Variants in AGBL4 observed in about 807,000 individuals in gnomAD.
The protein encoded by AGBL4 is cytosolic carboxypeptidase 6.
In AGBL4, 58 loss-of-function variants were observed where a neutral mutation model predicts 66.4. That is an observed-to-expected ratio of 0.87 (90% CI 0.71 to 1.09). The LOEUF (loss-of-function observed/expected upper bound fraction) is 1.09, where lower values mean the gene tolerates loss of function less well. Among genes scored for constraint, AGBL4 ranks in the 50% least tolerant of loss-of-function variants. The probability of loss-of-function intolerance (pLI) is 0.00; values close to 1 mark genes in which losing one functional copy is unlikely to be tolerated. For synonymous variants in AGBL4, 234 were observed against 222.9 expected (o/e 1.05, Z -0.44); for missense variants, 579 against 631.0 (o/e 0.92, Z 0.88).
intron 2 of AGBL4, among the ~76,000 whole-genome samples, chr1:49,748,273 G>A (rs1345477126): frequency 1.3e-5 from 2 of 151,958 alleles, no homozygotes; most frequent in Non-Finnish European, 2.9e-5. Flanking sequence ...TTGGTTTTCT[G>A]TTCCTGTGTT....
intron 2 of AGBL4, among the ~76,000 whole-genome samples, chr1:49,780,229 T>C (rs553648052): frequency 6.6e-5 from 10 of 152,280 alleles, no homozygotes; most frequent in African/African-American, 1.4e-4. Flanking sequence ...AGTATATCTA[T>C]ACTCATTTCT....
chr1:49,813,273 TAAGA>T (rs1645148094), intron 2 of AGBL4, among the ~76,000 whole-genome samples: 1 of 152,082 alleles, frequency 6.6e-6, no homozygotes, highest in African/African-American at 2.4e-5. Flanking sequence ...ATGATGATAT[TAAGA>T]AAAACATTAA....
intron 7 of AGBL4, among the ~76,000 whole-genome samples, chr1:48,654,848 T>G (rs973886): frequency 0.12 from 18,846 of 152,268 alleles, 2,326 homozygotes; most frequent in African/African-American, 0.32. Context: ...AACGCGGCAG[T>G]AGACCAGATG....
At chr1:49,189,680 A>C (rs1392282557) in intron 4 of AGBL4, among the ~76,000 whole-genome samples, 1 of 152,168 alleles carries the variant, frequency 6.6e-6, no homozygotes, top group Non-Finnish European at 1.5e-5. Flanking sequence ...GTTTGTAGTG[A>C]GGCTCAAACC....
At chr1:49,064,268 T>C (rs953851975) in intron 4 of AGBL4, among the ~76,000 whole-genome samples, 1 of 152,194 alleles carries the variant, frequency 6.6e-6, no homozygotes. Context: ...TAGCAATTTA[T>C]TTCCTATGTT....
intron 3 of AGBL4, among the ~76,000 whole-genome samples, chr1:49,612,077 T>TA (rs1645165683): frequency 6.6e-6 from 1 of 152,212 alleles, no homozygotes; most frequent in African/African-American, 2.4e-5. Context: ...TTAACAAACT[T>TA]ACTTCAATCA....
chr1:49,350,839 T>G (rs1335407539), intron 3 of AGBL4, among the ~76,000 whole-genome samples: 2 of 152,164 alleles, frequency 1.3e-5, no homozygotes, highest in Non-Finnish European at 2.9e-5. Flanking sequence ...GACAGGACTC[T>G]TCCTGCTGCT....
chr1:49,852,246 C>T lies in AGBL4; in HGVS notation c.35-728G>A, dbSNP rs539574953. Among the ~76,000 whole-genome samples the T allele has an allele frequency of 3.9e-5, 6 of 152,134 alleles. No individual in the cohort carries two copies. The South Asian group carries it at 1.2e-3, about 32-fold the overall frequency. On this transcript the variant is annotated intron_variant, in intron 1 of 13. Coordinates refer to ENST00000371839, the MANE Select transcript of AGBL4 (RefSeq NM_032785.4). ...AATATCGAAGGAAAGTCAAGCCTCACCAAAAAGAGTATGGGAAGCAAGCAG... is the reference window on the plus strand; with the variant it reads ...AATATCGAAGGAAAGTCAAGCCTCATCAAAAAGAGTATGGGAAGCAAGCAG...
At chr1:48,531,529 A>G (rs982179110), downstream of AGBL4, among the ~76,000 whole-genome samples, 1 of 151,984 alleles carries the variant, frequency 6.6e-6, no homozygotes, top group Non-Finnish European at 1.5e-5. Flanking sequence ...TTCCAAAGGA[A>G]CCCATCCAGT....
intron 6 of AGBL4, among the ~76,000 whole-genome samples, chr1:48,716,627 G>T (rs1451939567): frequency 1.3e-5 from 2 of 152,156 alleles, no homozygotes; most frequent in Non-Finnish European, 2.9e-5. Flanking sequence ...CTCGACATTT[G>T]TAAGTACCTG....
At position 49,833,426 on chromosome 1, in the gene AGBL4, A is replaced by G. The variant is rs376547827; in HGVS notation, c.157+17970T>C. ...GTAGTATAGTTTGAAGTCAGGTAGCATGATGCCTCCAGCTTTGTTCTTTGG... is the reference window on the plus strand; with the variant it reads ...GTAGTATAGTTTGAAGTCAGGTAGCGTGATGCCTCCAGCTTTGTTCTTTGG... On this transcript the variant is annotated intron_variant, in intron 2 of 13. Coordinates refer to ENST00000371839, the MANE Select transcript of AGBL4 (RefSeq NM_032785.4). Among the ~76,000 whole-genome samples the G allele has an allele frequency of 0.011, 1,598 of 152,190 alleles. 45 individuals are homozygous for G. In the East Asian group the frequency reaches 0.12, roughly 11 times the overall value.
chr1:49,535,057 A>G (rs1473094347), intron 3 of AGBL4, among the ~76,000 whole-genome samples: 1 of 152,158 alleles, frequency 6.6e-6, no homozygotes, highest in Non-Finnish European at 1.5e-5. Flanking sequence ...AGTGAAAAGG[A>G]CTTTGTCTTC....
chr1:49,262,839 TAAAG>T (rs1653335761), intron 3 of AGBL4, among the ~76,000 whole-genome samples: 1 of 152,184 alleles, frequency 6.6e-6, no homozygotes, highest in South Asian at 2.1e-4. Flanking sequence ...CATGCTGTTA[TAAAG>T]ACACATGTAC....
At chr1:48,929,925 C>A (rs1045899590) in intron 5 of AGBL4, among the ~76,000 whole-genome samples, 2 of 152,254 alleles carry the variant, frequency 1.3e-5, no homozygotes, top group East Asian at 1.9e-4. Flanking sequence ...CACTTCCAGG[C>A]TTAGGCCTCC....
chr1:49,867,171 A>G (rs868226212), intron 1 of AGBL4, among the ~76,000 whole-genome samples: 5 of 151,780 alleles, frequency 3.3e-5, no homozygotes, highest in African/African-American at 9.7e-5. Context: ...TCTGCCAGCG[A>G]GTTTTCCTGT....
chr1:48,743,219 G>A (rs971362856), intron 6 of AGBL4, among the ~76,000 whole-genome samples: 3 of 152,184 alleles, frequency 2.0e-5, no homozygotes, highest in Non-Finnish European at 4.4e-5. Flanking sequence ...GGGCAAAAAT[G>A]TTAAGGCCTC....
Position 48,751,803 on chromosome 1 carries a change from T to C in AGBL4, c.635-88562A>G, listed in dbSNP as rs12085886. Reference sequence around the variant, plus strand: ...TGTTAGAAAAGGGACAGCCTGGAGTTGTCCCTCAACCCCATCCCCACTGCC... The same window carrying C: ...TGTTAGAAAAGGGACAGCCTGGAGTCGTCCCTCAACCCCATCCCCACTGCC... On this transcript the variant is annotated intron_variant, in intron 6 of 13. Transcript: ENST00000371839. 2.1e-3 allele frequency among the ~76,000 whole-genome samples: 315 copies of C among 152,310 alleles called. 5 individuals carry two copies. Among genetic ancestry groups the C allele is most frequent in the African/African-American group, 6.9e-3 (285 of 41,562 alleles).
At position 49,938,207 on chromosome 1, in the gene AGBL4, A is replaced by G. The variant is rs564949292; in HGVS notation, c.34+85556T>C. ...GAAATACAAACTACCATCAGAGAAT[A>G]CTACAAACAACTCTACGCAAATAAA... On this transcript the variant is annotated intron_variant, in intron 1 of 13. Transcript: ENST00000371839. 5.9e-5 allele frequency among the ~76,000 whole-genome samples: 9 copies of G among 152,328 alleles called. No individual in the cohort carries two copies. In the East Asian group the frequency reaches 1.3e-3, roughly 23 times the overall value.
intron 6 of AGBL4, among the ~76,000 whole-genome samples, chr1:48,769,557 ACACACACACACAC>A (rs1306460803): frequency 1.7e-4 from 25 of 147,316 alleles, no homozygotes; most frequent in African/African-American, 5.6e-4. Flanking sequence ...ACACACACAC[ACACACACACACAC>A]AAGTTAAATT....
Sources: allele counts gnomAD v4.1 joint callset (sites outside exome capture counted in the v4.1 genomes callset), GRCh38; gene constraint gnomAD v4.1.1; transcripts MANE v1.5; gene names NCBI Gene and HGNC (gene_info 2026-07-23, HGNC 2026-07-21).